PRKCB: variants seen among roughly 807,000 people sequenced by gnomAD.
The protein encoded by PRKCB is protein kinase C beta.
A neutral mutation model predicts 81.5 loss-of-function variants in PRKCB; 13 were observed. The ratio of observed to expected loss-of-function variants is 0.16; its 90% confidence interval spans 0.10 to 0.25. The LOEUF is 0.25. Among genes scored for constraint, PRKCB ranks in the 10% least tolerant of loss-of-function variants. PRKCB has a pLI of 1.00. For synonymous variants in PRKCB, 335 were observed against 321.4 expected (o/e 1.04, Z -0.45); for missense variants, 509 against 875.7 (o/e 0.58, Z 5.29).
chr16:24,122,477 A>G (rs1966811246), intron 8 of PRKCB, among the ~76,000 whole-genome samples: 2 of 123,636 alleles, frequency 1.6e-5, no homozygotes, highest in African/African-American at 4.2e-5. Context: ...TTAGTGAGAG[A>G]GAGATGGGAT....
intron 3 of PRKCB, among the ~76,000 whole-genome samples, chr16:24,002,328 C>T (rs144436657): frequency 3.8e-4 from 21 of 54,742 alleles, no homozygotes; most frequent in South Asian, 1.1e-3. Flanking sequence ...TGTGTGCGTG[C>T]GTGTGTGTGT....
intron 2 of PRKCB, among the ~76,000 whole-genome samples, chr16:23,844,267 T>C (rs1333520689): frequency 6.6e-6 from 1 of 152,212 alleles, no homozygotes; most frequent in Non-Finnish European, 1.5e-5. Flanking sequence ...TTGTGTGAAA[T>C]TCCATAGATA....
Position 23,892,059 on chromosome 16 carries a change from C to T in PRKCB, c.205+54653C>T, listed in dbSNP as rs141685665. On this transcript the variant is annotated intron_variant, in intron 2 of 16. Transcript: ENST00000643927. ...GTGCAAATTGGGAGACGGCTGGATC[C>T]CACATCTCTGGGTGACATTTGCTGA... is the stretch of plus-strand genomic sequence containing the variant. 1.4e-3 allele frequency among the ~76,000 whole-genome samples: 215 copies of T among 152,270 alleles called. 1 individual carries two copies. The highest frequency in any genetic ancestry group is 4.9e-3 in the African/African-American group (204 of 41,544).
At chr16:23,859,885 A>G (rs200373434) in intron 2 of PRKCB, among the ~76,000 whole-genome samples, 1 of 146,152 alleles carries the variant, frequency 6.8e-6, no homozygotes, top group Non-Finnish European at 1.5e-5. Flanking sequence ...GAGAGAGAGA[A>G]AGAGAGAGAG....
intron 2 of PRKCB, among the ~76,000 whole-genome samples, chr16:23,982,295 CTTCCCTTCCCT>C (rs1567334202): frequency 1.6e-4 from 15 of 94,858 alleles, no homozygotes; most frequent in African/African-American, 4.2e-4. Context: ...TTCCCTTCCC[CTTCCCTTCCCT>C]TTCCCTTCCC....
At chr16:24,061,930 A>AAAAAC (rs1567361049) in intron 5 of PRKCB, among the ~76,000 whole-genome samples, 37 of 146,542 alleles carry the variant, frequency 2.5e-4, no homozygotes, top group African/African-American at 5.5e-4. Context: ...AAAAAAAAAA[A>AAAAAC]AAACTTGAGG....
rs1491493516 is a variant in PRKCB, at chr16:24,061,909, A to AT, written c.529+26363dup. 8.9e-3 allele frequency among the ~76,000 whole-genome samples: 1,095 copies of AT among 122,502 alleles called. 7 individuals are homozygous for AT. Among genetic ancestry groups the AT allele is most frequent in the Non-Finnish European group, 0.014 (821 of 60,684 alleles). The allele number at this position is 122,502 out of a possible 152,430, so 80.4% of individuals were successfully genotyped here. Reference sequence around the variant, plus strand: ...CCCACTCCCCCTGCACCTTAAATAAATAAAAAAAAAAAAAAAAAAAAAAAC... The same window carrying AT: ...CCCACTCCCCCTGCACCTTAAATAAATTAAAAAAAAAAAAAAAAAAAAAAAC... On this transcript the variant is annotated intron_variant, in intron 5 of 16. Transcript: ENST00000643927.
At chr16:24,167,621 C>A in intron 10 of PRKCB, among the ~76,000 whole-genome samples, 1 of 152,142 alleles carries the variant, frequency 6.6e-6, no homozygotes, top group Admixed American at 6.6e-5. Context: ...CAGCTTCTGT[C>A]TTGATGTACC....
intron 3 of PRKCB, among the ~76,000 whole-genome samples, chr16:24,008,185 G>C (rs1965153752): frequency 6.6e-6 from 1 of 152,240 alleles, no homozygotes; most frequent in African/African-American, 2.4e-5. Context: ...AAGGTCACTT[G>C]TGAGAGGTCC....
chr16:24,035,635 C>A, intron 5 of PRKCB, 88 bp downstream of exon 5: 1 of 747,994 alleles, frequency 1.3e-6, no homozygotes, highest in South Asian at 3.7e-5. Context: ...TGGGGCAGTC[C>A]AGTGGAGGGG....
At chr16:24,021,000 C>CT (rs1233355316) in intron 3 of PRKCB, among the ~76,000 whole-genome samples, 2 of 137,820 alleles carry the variant, frequency 1.5e-5, no homozygotes, top group East Asian at 4.6e-4. Flanking sequence ...TTCTTTCTTT[C>CT]TTTCTTTCTT....
At chr16:23,845,217 CG>C (rs1446071978) in intron 2 of PRKCB, among the ~76,000 whole-genome samples, 3 of 152,018 alleles carry the variant, frequency 2.0e-5, no homozygotes, top group African/African-American at 4.8e-5. Flanking sequence ...TATGATGTAG[CG>C]GGGGGAGATA....
chr16:24,055,723 T>C (rs1965895699), intron 5 of PRKCB, among the ~76,000 whole-genome samples: 1 of 152,230 alleles, frequency 6.6e-6, no homozygotes, highest in East Asian at 1.9e-4. Context: ...CAAGTAGGCA[T>C]ATCCATAAAG....
intron 5 of PRKCB, among the ~76,000 whole-genome samples, chr16:24,045,516 G>T (rs1027910880): frequency 1.3e-5 from 2 of 151,398 alleles, no homozygotes; most frequent in Non-Finnish European, 2.9e-5. Flanking sequence ...TGCCCTCCCA[G>T]GCCCACCCCA....
At chr16:24,202,802 TATA>T (rs1185311447) in intron 16 of PRKCB, among the ~76,000 whole-genome samples, 8 of 152,242 alleles carry the variant, frequency 5.3e-5, no homozygotes, top group African/African-American at 1.9e-4. Flanking sequence ...TAGTTTCCTA[TATA>T]AGTGAGTTTA....
intron 16 of PRKCB, among the ~76,000 whole-genome samples, chr16:24,208,754 C>T (rs946994106): frequency 6.6e-6 from 1 of 152,174 alleles, no homozygotes; most frequent in African/African-American, 2.4e-5. Flanking sequence ...GGAAACTGAT[C>T]TGGGCTGTGT....
At chr16:23,873,321 CG>C (rs1962942868) in intron 2 of PRKCB, among the ~76,000 whole-genome samples, 1 of 148,412 alleles carries the variant, frequency 6.7e-6, no homozygotes, top group Admixed American at 6.8e-5. Context: ...TGCAGTGAGC[CG>C]AAATCGTGCC....
Position 24,017,878 on chromosome 16 carries a change from C to G in PRKCB, c.289-14258C>G, listed in dbSNP as rs373557786. On this transcript the variant is annotated intron_variant, in intron 3 of 16. Coordinates refer to ENST00000643927, the MANE Select transcript of PRKCB (RefSeq NM_002738.7). ...ACAAGTAGCTGGGACTATAGGCATG[C>G]GCCACCATAACTAATTTTTTTTTTT... 8.0e-4 allele frequency among the ~76,000 whole-genome samples: 120 copies of G among 149,332 alleles called. 1 individual carries two copies. The highest frequency in any genetic ancestry group is 2.9e-3 in the African/African-American group (116 of 40,546).
At chr16:23,943,681 G>T (rs777991722) in intron 2 of PRKCB, among the ~76,000 whole-genome samples, 1 of 152,192 alleles carries the variant, frequency 6.6e-6, no homozygotes, top group Non-Finnish European at 1.5e-5. Context: ...TAGGAAAAAT[G>T]GTTGAGTCGA....
Sources: gnomAD v4.1 joint callset for allele counts (sites outside exome capture counted in the v4.1 genomes callset) on GRCh38, gnomAD v4.1.1 for gene constraint, MANE v1.5 for transcripts, NCBI Gene and HGNC (gene_info 2026-07-23, HGNC 2026-07-21) for gene names.